MAST4: variants seen among roughly 807,000 people sequenced by gnomAD.
The protein encoded by MAST4 is microtubule associated serine/threonine kinase family member 4, also known as microtubule-associated serine/threonine-protein kinase 4.
MAST4 carries 89 observed loss-of-function variants against 162.7 expected under a neutral mutation model. That is an observed-to-expected ratio of 0.55 (90% CI 0.46 to 0.65). MAST4 has a LOEUF of 0.65. MAST4 is among the 30% of genes least tolerant of loss of function. The pLI is 0.00. For synonymous variants in MAST4, 1,479 were observed against 1,361.1 expected (o/e 1.09, Z -1.91); for missense variants, 3,153 against 3,374.0 (o/e 0.93, Z 1.62).
intron 1 of MAST4, among the ~76,000 whole-genome samples, chr5:66,680,830 T>C (rs1748283273): frequency 6.6e-6 from 1 of 152,204 alleles, no homozygotes; most frequent in Admixed American, 6.5e-5. Context: ...GGGCAAGATC[T>C]TTCAGGAGCC....
chr5:66,601,607 G>A (rs1463304250), intron 1 of MAST4, among the ~76,000 whole-genome samples: 2 of 152,132 alleles, frequency 1.3e-5, no homozygotes, highest in African/African-American at 4.8e-5. Flanking sequence ...GGAAGGACAG[G>A]TGTGATCCAG....
chr5:67,101,705 T>C (rs1284851782), intron 8 of MAST4, among the ~76,000 whole-genome samples: 2 of 152,276 alleles, frequency 1.3e-5, no homozygotes, highest in African/African-American at 4.8e-5. Context: ...TAATACTAAA[T>C]ATAGCCACAC....
At chr5:67,063,717 A>G (rs897103820) in intron 5 of MAST4, among the ~76,000 whole-genome samples, 2 of 151,900 alleles carry the variant, frequency 1.3e-5, no homozygotes, top group Non-Finnish European at 2.9e-5. Context: ...TTCAATCACA[A>G]TTTTGCAGCA....
chr5:66,950,404 C>T (rs1744536692), intron 4 of MAST4, among the ~76,000 whole-genome samples: 1 of 152,054 alleles, frequency 6.6e-6, no homozygotes, highest in African/African-American at 2.4e-5. Context: ...AAACTTTTTC[C>T]ATTAAACACT....
intron 4 of MAST4, among the ~76,000 whole-genome samples, chr5:66,933,175 T>G (rs1383195828): frequency 6.6e-6 from 1 of 152,168 alleles, no homozygotes; most frequent in Admixed American, 6.6e-5. Flanking sequence ...AGCTAAGTAC[T>G]TACAGTTCTG....
At chr5:66,634,135 C>T (rs1034408448) in intron 1 of MAST4, among the ~76,000 whole-genome samples, 1 of 152,036 alleles carries the variant, frequency 6.6e-6, no homozygotes, top group Non-Finnish European at 1.5e-5. Flanking sequence ...TCTTGGCTCA[C>T]CGCAACCTCC....
chr5:66,599,128 G>A (rs1477831599), intron 1 of MAST4, among the ~76,000 whole-genome samples: 1 of 152,132 alleles, frequency 6.6e-6, no homozygotes, highest in Non-Finnish European at 1.5e-5. Flanking sequence ...AAAGTGAAAC[G>A]AAAACCAAAC....
At chr5:66,912,668 G>A (rs777052306) in intron 4 of MAST4, among the ~76,000 whole-genome samples, 6 of 152,050 alleles carry the variant, frequency 3.9e-5, no homozygotes, top group Non-Finnish European at 7.4e-5. Context: ...TCAAACACCT[G>A]GTTAAAAGCA....
At chr5:67,007,308 T>C (rs891682768) in intron 4 of MAST4, among the ~76,000 whole-genome samples, 2 of 152,202 alleles carry the variant, frequency 1.3e-5, no homozygotes, top group African/African-American at 4.8e-5. Flanking sequence ...GTTTTTCTCC[T>C]TTCCAAAGGA....
In MAST4 at chr5:67,022,811, A is replaced by G. The variant is rs562750695; in HGVS notation, c.675-31593A>G. ...AATGTATGATGCATTTCCATCTTCA[A>G]TTGATCTGATTTGTGTGTGTGAAAT... On this transcript the variant is annotated intron_variant, in intron 4 of 28. Coordinates refer to ENST00000403625, the MANE Select transcript of MAST4 (RefSeq NM_001164664.2). Among the ~76,000 whole-genome samples, 78 of 152,224 alleles carry G rather than the reference A, an allele frequency of 5.1e-4. No individual in the cohort carries two copies. The South Asian group carries it at 0.015, about 28-fold the overall frequency.
chr5:66,626,021 GAC>G (rs1413401960), intron 1 of MAST4, among the ~76,000 whole-genome samples: 2 of 152,134 alleles, frequency 1.3e-5, no homozygotes, highest in South Asian at 2.1e-4. Flanking sequence ...AGCAAAATGA[GAC>G]ACAGAAAGAA....
intron 4 of MAST4, among the ~76,000 whole-genome samples, chr5:66,951,272 T>C (rs1206528476): frequency 6.6e-6 from 1 of 152,180 alleles, no homozygotes; most frequent in African/African-American, 2.4e-5. Flanking sequence ...ACCCATGTTA[T>C]CCTAAGAAAA....
At chr5:66,774,050 G>C (rs1400918294) in intron 2 of MAST4, among the ~76,000 whole-genome samples, 1 of 152,020 alleles carries the variant, frequency 6.6e-6, no homozygotes, top group Non-Finnish European at 1.5e-5. Flanking sequence ...TTGCACCCTT[G>C]GTTTTTATTT....
chr5:66,849,966 A>G (rs1468787114), intron 3 of MAST4, among the ~76,000 whole-genome samples: 2 of 152,186 alleles, frequency 1.3e-5, no homozygotes, highest in African/African-American at 2.4e-5. Flanking sequence ...ATATTACCTC[A>G]CAGGCATGAG....
rs57743987 is a variant in MAST4 at position 66,789,988 on chromosome 5, A to ATTTTTT, written c.642+1219_642+1224dup. 8.0e-4 allele frequency among the ~76,000 whole-genome samples: 42 copies of ATTTTTT among 52,470 alleles called. 1 individual carries two copies. Among genetic ancestry groups the ATTTTTT allele is most frequent in the African/African-American group, 2.7e-3 (24 of 8,748 alleles). The allele number at this position is 52,470 out of a possible 152,430, so 34.4% of individuals were successfully genotyped here. On this transcript the variant is annotated intron_variant, in intron 3 of 28. Transcript: ENST00000403625. ...CTTTATGTTTAACATGCTTATTAGA[A>ATTTTTT]TTTTTTTTTTTTTTTTTTTTTTTTT...
At chr5:67,134,714 A>G (rs756273983) in intron 18 of MAST4, 26 bp downstream of exon 18, 1 of 1,587,986 alleles carries the variant, frequency 6.3e-7, no homozygotes, top group East Asian at 2.2e-5. Context: ...AGTTATCTTT[A>G]GGTCACTGTT....
At chr5:66,886,882 TTAAAAA>T (rs1762074499) in intron 3 of MAST4, among the ~76,000 whole-genome samples, 1 of 151,784 alleles carries the variant, frequency 6.6e-6, no homozygotes, top group East Asian at 1.9e-4. Context: ...TTCTTAAGAC[TTAAAAA>T]TAAGTGTCCA....
intron 4 of MAST4, among the ~76,000 whole-genome samples, chr5:66,952,877 C>T (rs1458802633): frequency 6.6e-6 from 1 of 152,146 alleles, no homozygotes; most frequent in Admixed American, 6.6e-5. Flanking sequence ...GACCCACTGC[C>T]CATCATCCTG....
intron 4 of MAST4, chr5:67,004,018 CCCCGGAG>C (rs755998417): frequency 6.6e-6 from 1 of 152,264 alleles, no homozygotes; most frequent in Non-Finnish European, 1.5e-5. Flanking sequence ...CTGTGGACTT[CCCCGGAG>C]CGTTGTCACT....
Sources: allele counts gnomAD v4.1 joint callset (sites outside exome capture counted in the v4.1 genomes callset), GRCh38; gene constraint gnomAD v4.1.1; transcripts MANE v1.5; gene names NCBI Gene and HGNC (gene_info 2026-07-23, HGNC 2026-07-21).